The following EYS variants were observed in gnomAD, a reference collection of about 807,000 sequenced individuals.
EYS encodes the protein EGF-like photoreceptor maintenance factor.
In EYS, 250 loss-of-function variants were observed where a neutral mutation model predicts 282.1. The ratio of observed to expected loss-of-function variants is 0.89; its 90% confidence interval spans 0.80 to 0.98. The LOEUF (loss-of-function observed/expected upper bound fraction) is 0.98, where lower values mean the gene tolerates loss of function less well. Ranked by LOEUF, EYS falls within the 50% of genes least tolerant of loss-of-function variation. EYS has a pLI of 0.00. For missense variants in EYS, 4,016 were observed against 3,709.0 expected (o/e 1.08, Z -2.15); for synonymous variants, 1,355 against 1,282.9 (o/e 1.06, Z -1.20).
intron 30 of EYS, among the ~76,000 whole-genome samples, chr6:64,292,149 A>G: frequency 6.6e-6 from 1 of 152,126 alleles, no homozygotes; most frequent in East Asian, 1.9e-4. Flanking sequence ...CCACAGAAAT[A>G]CAACAGCTTA....
chr6:64,053,835 T>C (rs912225080), intron 33 of EYS, among the ~76,000 whole-genome samples: 9 of 152,142 alleles, frequency 5.9e-5, no homozygotes, highest in Non-Finnish European at 1.2e-4. Context: ...AGAGTTCTCA[T>C]TAGGTTTGAG....
At chr6:63,840,211 C>CTTATTA (rs377459471) in intron 36 of EYS, among the ~76,000 whole-genome samples, 4,404 of 140,368 alleles carry the variant, frequency 0.031, 142 homozygotes, top group East Asian at 0.074. Flanking sequence ...CCATGCCCAT[C>CTTATTA]TTATTATTAT....
At chr6:65,479,010 T>C (rs1489230253) in intron 5 of EYS, among the ~76,000 whole-genome samples, 4 of 151,764 alleles carry the variant, frequency 2.6e-5, no homozygotes, top group Non-Finnish European at 5.9e-5. Flanking sequence ...ATCTGTAGAA[T>C]AGTGAGAGGA....
At chr6:64,734,020 A>G (rs900397872) in intron 22 of EYS, among the ~76,000 whole-genome samples, 9 of 152,170 alleles carry the variant, frequency 5.9e-5, no homozygotes, top group Admixed American at 2.6e-4. Context: ...CGTTTAAAAC[A>G]ATAAAACAAA....
intron 29 of EYS, among the ~76,000 whole-genome samples, chr6:64,325,313 T>C (rs562996318): frequency 7.7e-4 from 117 of 152,256 alleles, no homozygotes; most frequent in African/African-American, 2.8e-3. Flanking sequence ...AGAAGAGAGA[T>C]AACAATCATT....
At position 63,806,434 on chromosome 6, in the gene EYS, G is replaced by T; in HGVS notation, c.7229-62C>A. ...CTGTACATGTATTTGTAAAGTGAGGGTTACGTTTTGCTGATGCATCTGGCC... is the reference window on the plus strand; with the variant it reads ...CTGTACATGTATTTGTAAAGTGAGGTTTACGTTTTGCTGATGCATCTGGCC... On this transcript the variant is annotated intron_variant, in intron 36 of 42. Transcript: ENST00000503581. 5.8e-6 allele frequency: 8 copies of T among 1,388,016 alleles called. No individual in the cohort carries two copies. The South Asian group carries it at 6.2e-5, about 11-fold the overall frequency. The allele number at this position is 1,388,016 out of a possible 1,614,324, so 86.0% of individuals were successfully genotyped here.
At chr6:65,191,122 G>T (rs1765631979) in intron 12 of EYS, among the ~76,000 whole-genome samples, 1 of 151,768 alleles carries the variant, frequency 6.6e-6, no homozygotes, top group Admixed American at 6.6e-5. Flanking sequence ...CCAAGATAAT[G>T]CAGTATGCTA....
intron 22 of EYS, among the ~76,000 whole-genome samples, chr6:64,676,297 A>T (rs952803509): frequency 6.8e-6 from 1 of 146,366 alleles, no homozygotes; most frequent in African/African-American, 2.5e-5. Flanking sequence ...CAATATATCT[A>T]TATCTATATC....
chr6:64,460,267 A>T (rs1447485096), intron 26 of EYS, among the ~76,000 whole-genome samples: 1 of 152,236 alleles, frequency 6.6e-6, no homozygotes, highest in Non-Finnish European at 1.5e-5. Flanking sequence ...AAGCCATTGG[A>T]TTTATGCTAT....
At chr6:65,202,145 C>T (rs1454175168) in intron 12 of EYS, among the ~76,000 whole-genome samples, 2 of 151,882 alleles carry the variant, frequency 1.3e-5, no homozygotes, top group African/African-American at 2.4e-5. Flanking sequence ...CCATGGCTTA[C>T]ATGCTGAGAC....
chr6:64,738,995 G>A (rs756444733), intron 22 of EYS, among the ~76,000 whole-genome samples: 1 of 152,098 alleles, frequency 6.6e-6, no homozygotes. Context: ...TGGTCAGCCC[G>A]CTTCAGTCTC....
intron 1 of EYS, among the ~76,000 whole-genome samples, chr6:65,706,529 T>C (rs992097558): frequency 6.6e-6 from 1 of 152,022 alleles, no homozygotes; most frequent in Admixed American, 6.6e-5. Flanking sequence ...ATAATCACAC[T>C]ACAGCTGTTA....
chr6:65,362,645 T>C (rs909505254), intron 8 of EYS, among the ~76,000 whole-genome samples: 4 of 151,844 alleles, frequency 2.6e-5, no homozygotes, highest in African/African-American at 9.7e-5. Flanking sequence ...TGTATATATG[T>C]AATATTTTTA....
chr6:65,495,563 A>G lies in EYS; in HGVS notation c.-153T>C, dbSNP rs1766228687. The G allele has an allele frequency of 1.5e-6, 1 of 677,482 alleles. No individual in the cohort carries two copies. The highest frequency in any genetic ancestry group is 2.5e-6 in the Non-Finnish European group (1 of 396,346). The allele number at this position is 677,482 out of a possible 1,614,324, so 42.0% of individuals were successfully genotyped here. A position where few individuals can be genotyped will look rare whatever the true frequency, so the allele number is the denominator to read the frequency against. Reference sequence around the variant, plus strand: ...TATACCCAAAGTAGCTTTGATGACAATGTGCTTTGATGGAGAAACAGGAAT... The same window carrying G: ...TATACCCAAAGTAGCTTTGATGACAGTGTGCTTTGATGGAGAAACAGGAAT... On this transcript the variant is annotated 5_prime_UTR_variant, in exon 4 of 43. Transcript: ENST00000503581.
At chr6:63,853,541 G>A (rs1772314540) in intron 36 of EYS, among the ~76,000 whole-genome samples, 1 of 152,160 alleles carries the variant, frequency 6.6e-6, no homozygotes, top group African/African-American at 2.4e-5. Context: ...TCAATGTCGT[G>A]CAAATGGCCA....
intron 38 of EYS, 98 bp from the exon 39 acceptor site, chr6:63,788,347 A>G: frequency 1.0e-6 from 1 of 975,666 alleles, no homozygotes; most frequent in Non-Finnish European, 1.5e-6. Context: ...TTGGCATGAA[A>G]AATTTACAAA....
intron 34 of EYS, among the ~76,000 whole-genome samples, chr6:63,994,712 T>A (rs1470840866): frequency 2.0e-5 from 3 of 152,012 alleles, no homozygotes; most frequent in Admixed American, 1.3e-4. Context: ...AGCTCTATGA[T>A]AATATTTTCA....
At chr6:64,627,707 T>C (rs373557080) in intron 22 of EYS, among the ~76,000 whole-genome samples, 1 of 152,352 alleles carries the variant, frequency 6.6e-6, no homozygotes, top group East Asian at 1.9e-4. Context: ...CGATGAATTT[T>C]AGACCGTCCA....
chr6:64,831,028 G>T (rs536250872), intron 19 of EYS, among the ~76,000 whole-genome samples: 1 of 151,932 alleles, frequency 6.6e-6, no homozygotes, highest in African/African-American at 2.4e-5. Context: ...TTCCTGGAGG[G>T]ATCAACTGAG....
Sources: gnomAD v4.1 joint callset for allele counts (sites outside exome capture counted in the v4.1 genomes callset) on GRCh38, gnomAD v4.1.1 for gene constraint, MANE v1.5 for transcripts, NCBI Gene and HGNC (gene_info 2026-07-23, HGNC 2026-07-21) for gene names.